VIPR2: variants seen among roughly 807,000 people sequenced by gnomAD.
The protein encoded by VIPR2 is vasoactive intestinal peptide receptor 2.
VIPR2 carries 48 observed loss-of-function variants against 58.0 expected under a neutral mutation model. The observed-to-expected ratio is 0.83, with a 90% CI of 0.66 to 1.05. The LOEUF is 1.05. Ranked by LOEUF, VIPR2 falls within the 50% of genes least tolerant of loss-of-function variation. VIPR2 has a pLI of 0.00. For synonymous variants in VIPR2, 243 were observed against 235.2 expected (o/e 1.03, Z -0.30); for missense variants, 534 against 558.0 (o/e 0.96, Z 0.43).
At chr7:159,061,376 G>A (rs1855641167) in intron 4 of VIPR2, among the ~76,000 whole-genome samples, 1 of 150,704 alleles carries the variant, frequency 6.6e-6, no homozygotes, top group Non-Finnish European at 1.5e-5. Flanking sequence ...TGGGCTTGGT[G>A]GCTCACACCT....
At position 159,031,709 on chromosome 7, in the gene VIPR2, G is replaced by A; in HGVS notation, c.1143+119C>T. The A allele has an allele frequency of 2.5e-6, 4 of 1,570,718 alleles. No homozygotes were observed. Among genetic ancestry groups the A allele is most frequent in the South Asian group, 2.3e-5 (2 of 85,220 alleles). On this transcript the variant is annotated intron_variant, in intron 12 of 12. Transcript: ENST00000262178. This position sits in a 1 kb window ranked among gnomAD's most constrained non-coding sequence, Gnocchi z 4.0. ...TGGGGACACAGAACTGTGGGGTCCC[G>A]GGCAGTAACTCGAGCCCGCGGAAGA...
At chr7:159,133,755 T>C (rs186297426) in intron 2 of VIPR2, among the ~76,000 whole-genome samples, 3 of 152,330 alleles carry the variant, frequency 2.0e-5, no homozygotes, top group Admixed American at 2.0e-4. Flanking sequence ...TCTATTTTAT[T>C]TGCCTAAAGA....
At chr7:159,107,464 G>C (rs1444109159) in intron 3 of VIPR2, among the ~76,000 whole-genome samples, 1 of 152,184 alleles carries the variant, frequency 6.6e-6, no homozygotes, top group African/African-American at 2.4e-5. Flanking sequence ...CAGACAGTTG[G>C]CTCATTGCCT....
At chr7:159,056,016 A>T (rs549356869) in intron 5 of VIPR2, among the ~76,000 whole-genome samples, 25 of 152,338 alleles carry the variant, frequency 1.6e-4, no homozygotes, top group African/African-American at 6.0e-4. Context: ...CAGTGATGAG[A>T]GCCTGGGTTG....
At chr7:159,051,112 T>G (rs1288192368) in intron 5 of VIPR2, among the ~76,000 whole-genome samples, 1 of 152,212 alleles carries the variant, frequency 6.6e-6, no homozygotes, top group Non-Finnish European at 1.5e-5. Flanking sequence ...CAGGGAAATC[T>G]TCCTGCAGTA....
At chr7:159,116,602 G>A (rs7810730) in intron 2 of VIPR2, among the ~76,000 whole-genome samples, 2,085 of 152,256 alleles carry the variant, frequency 0.014, 48 homozygotes, top group African/African-American at 0.048. Context: ...AGACTAAGTC[G>A]TTCAGAAAAA....
chr7:159,096,938 C>T lies in VIPR2; in HGVS notation c.357+6819G>A, dbSNP rs757672389. ...ACTCGATGAGCCAATGCCCTCGTGG[C>T]TGGCATTGAGCTTGGCACCTGCTGG... On this transcript the variant is annotated intron_variant, in intron 4 of 12. Transcript: ENST00000262178. The surrounding 1 kb of genome is among the most constrained non-coding windows in gnomAD (Gnocchi z 5.5). The T allele has an allele frequency of 8.4e-6, 13 of 1,550,710 alleles. No individual in the cohort carries two copies. The South Asian group carries it at 1.4e-4, about 17-fold the overall frequency.
At position 159,097,128 on chromosome 7, in the gene VIPR2, C is replaced by A. The variant is rs1458746463; in HGVS notation, c.357+6629G>T. On this transcript the variant is annotated intron_variant, in intron 4 of 12. Transcript: ENST00000262178. This position sits in a 1 kb window ranked among gnomAD's most constrained non-coding sequence, Gnocchi z 5.3. ...GGGTTGGCGGGATGATCAGATGGTG[C>A]CTCCCACAAAGGCATCTGCAGTGCC... The A allele has an allele frequency of 3.4e-6, 5 of 1,477,548 alleles. No individual in the cohort carries two copies. In the African/African-American group the frequency reaches 7.0e-5, roughly 21 times the overall value. The allele number at this position is 1,477,548 out of a possible 1,614,324, so 91.5% of individuals were successfully genotyped here. A position where few individuals can be genotyped will look rare whatever the true frequency, so the allele number is the denominator to read the frequency against.
chr7:159,088,672 C>T (rs1178310685), intron 4 of VIPR2, among the ~76,000 whole-genome samples: 1 of 152,276 alleles, frequency 6.6e-6, no homozygotes, highest in Non-Finnish European at 1.5e-5. Flanking sequence ...GGAGAAGCCA[C>T]TGTCTGAGCT....
rs756829896 is a variant in VIPR2, at chr7:159,142,520, C to T, written c.77G>A (p.Arg26Gln). 7 of 1,613,692 alleles carry T rather than the reference C, an allele frequency of 4.3e-6. 1 individual carries two copies. The South Asian group carries it at 4.4e-5, about 10-fold the overall frequency. ...APVNSIHPECRFHLEIQEEET... is the reference protein window; with the variant it reads ...APVNSIHPECQFHLEIQEEET... ...TTCCTCCTGTATTTCCAGATGAAAT[C>T]GGCATTCTGGGTGAATGCTGTTCAC... The change falls in exon 2 of 13, where the codon CGA becomes CAA. Residue 26 changes from arginine to glutamine, a missense_variant. Physicochemically the swap from Arg to Gln is conservative, Grantham distance 43 (BLOSUM62 1). Coordinates refer to ENST00000262178, the MANE Select transcript of VIPR2 (RefSeq NM_003382.5).
At chr7:159,112,442 A>C (rs532095139) in intron 2 of VIPR2, among the ~76,000 whole-genome samples, 1 of 152,380 alleles carries the variant, frequency 6.6e-6, no homozygotes, top group African/African-American at 2.4e-5. Context: ...AGGCGGGAAC[A>C]CAGGAGTTTC....
chr7:159,103,924 G>T, intron 3 of VIPR2, 70 bp from the exon 4 acceptor site: 2 of 1,346,138 alleles, frequency 1.5e-6, no homozygotes, highest in Non-Finnish European at 2.1e-6. Flanking sequence ...ACCTTAGTCC[G>T]TGCTGAGCCC....
chr7:159,094,478 C>T (rs1221434351), intron 4 of VIPR2, among the ~76,000 whole-genome samples: 2 of 152,222 alleles, frequency 1.3e-5, no homozygotes, highest in African/African-American at 4.8e-5. Flanking sequence ...AGGCCCAGGT[C>T]GTGGCCACGT....
chr7:159,085,948 TCCAAAC>T (rs1857147412), intron 4 of VIPR2, among the ~76,000 whole-genome samples: 1 of 152,024 alleles, frequency 6.6e-6, no homozygotes, highest in African/African-American at 2.4e-5. Flanking sequence ...TAGGCATTTG[TCCAAAC>T]CCACAGAATG....
intron 4 of VIPR2, among the ~76,000 whole-genome samples, chr7:159,060,948 C>T (rs1477439413): frequency 6.6e-6 from 1 of 152,230 alleles, no homozygotes; most frequent in East Asian, 1.9e-4. Flanking sequence ...TGCCCATCAA[C>T]AGCCCTATTC....
At chr7:159,129,957 C>T (rs1460943950) in intron 2 of VIPR2, among the ~76,000 whole-genome samples, 2 of 113,156 alleles carry the variant, frequency 1.8e-5, no homozygotes, top group Admixed American at 1.6e-4. Context: ...TTCCCTCAAA[C>T]TGGCCTCTGG....
intron 4 of VIPR2, chr7:159,059,140 G>C (rs60719906): frequency 1.9e-5 from 8 of 429,000 alleles, no homozygotes; most frequent in Admixed American, 5.7e-5. Context: ...TAATCTCCAC[G>C]AAATCATCAG....
intron 5 of VIPR2, among the ~76,000 whole-genome samples, chr7:159,045,932 A>T (rs1306545453): frequency 8.4e-6 from 1 of 119,550 alleles, no homozygotes; most frequent in Non-Finnish European, 1.9e-5. Flanking sequence ...CAAAAACCCA[A>T]TTAGAAAATG....
At chr7:159,116,320 C>A (rs1194123939) in intron 2 of VIPR2, among the ~76,000 whole-genome samples, 1 of 152,230 alleles carries the variant, frequency 6.6e-6, no homozygotes, top group African/African-American at 2.4e-5. Flanking sequence ...AGGAGCAAAT[C>A]TTCCTGGGAA....
Sources: gnomAD v4.1 joint callset for allele counts (sites outside exome capture counted in the v4.1 genomes callset) on GRCh38, gnomAD v4.1.1 for gene constraint, Gnocchi (gnomAD v3.1) non-coding constraint, MANE v1.5 for transcripts, NCBI Gene and HGNC (gene_info 2026-07-23, HGNC 2026-07-21) for gene names.